The following BACH2 variants were observed in gnomAD, a reference collection of about 807,000 sequenced individuals.
BACH2 encodes the protein transcription regulator protein BACH2.
BACH2 carries 5 observed loss-of-function variants against 61.8 expected under a neutral mutation model. That is an observed-to-expected ratio of 0.08 (90% CI 0.04 to 0.17). The LOEUF (loss-of-function observed/expected upper bound fraction) is 0.17, where lower values mean the gene tolerates loss of function less well. Among genes scored for constraint, BACH2 ranks in the 10% least tolerant of loss-of-function variants. The probability of loss-of-function intolerance (pLI) is 1.00; values close to 1 mark genes in which losing one functional copy is unlikely to be tolerated. For missense variants in BACH2, 824 were observed against 1,091.1 expected, an observed-to-expected ratio of 0.76 and a Z score of 3.45; for synonymous variants, 446 against 440.1, an observed-to-expected ratio of 1.01 and a Z score of -0.17.
intron 1 of BACH2, among the ~76,000 whole-genome samples, chr6:90,281,868 G>C (rs970658038): frequency 1.3e-5 from 2 of 151,936 alleles, no homozygotes; most frequent in Admixed American, 6.6e-5. Context: ...GTACAGATGA[G>C]AAAACTAAGG....
At chr6:90,145,355 G>T (rs952985280) in intron 4 of BACH2, among the ~76,000 whole-genome samples, 2 of 152,182 alleles carry the variant, frequency 1.3e-5, no homozygotes. Flanking sequence ...GTAATTAACT[G>T]CTACTAGCTT....
chr6:90,215,087 T>C (rs1769487496), intron 3 of BACH2, among the ~76,000 whole-genome samples: 1 of 152,196 alleles, frequency 6.6e-6, no homozygotes, highest in Non-Finnish European at 1.5e-5. Flanking sequence ...ATCTCCTTAG[T>C]GCAGCTTATT....
At position 90,092,291 on chromosome 6, in the gene BACH2, A is replaced by AAAAAAAAAAAAAAAAAAAAT; in HGVS notation, c.-161-3183_-161-3182insATTTTTTTTTTTTTTTTTTT. On this transcript the variant is annotated intron_variant, in intron 4 of 8. Coordinates refer to ENST00000257749, the MANE Select transcript of BACH2 (RefSeq NM_021813.4). Reference sequence around the variant, plus strand: ...GCACACTGTCAAAGTAAAAAAAAAAAATATATATATATATATATATATATA... The same window carrying AAAAAAAAAAAAAAAAAAAAT: ...GCACACTGTCAAAGTAAAAAAAAAAAAAAAAAAAAAAAAAAAAAATATATATATATATATATATATATATA... Among the ~76,000 whole-genome samples, 47 of 113,796 alleles carry AAAAAAAAAAAAAAAAAAAAT rather than the reference A, an allele frequency of 4.1e-4. 1 individual carries two copies. The highest frequency in any genetic ancestry group is 1.7e-3 in the African/African-American group (47 of 27,870). 74.7% of individuals were successfully genotyped at this position (113,796 alleles called of 152,430 possible).
chr6:90,198,091 T>C (rs1362313286), intron 4 of BACH2, among the ~76,000 whole-genome samples: 2 of 152,102 alleles, frequency 1.3e-5, no homozygotes, highest in South Asian at 2.1e-4. Context: ...AACCATGCCA[T>C]GTGAGGTGCA....
chr6:89,992,565 C>T (rs1247410751), intron 6 of BACH2, among the ~76,000 whole-genome samples: 1 of 152,186 alleles, frequency 6.6e-6, no homozygotes, highest in African/African-American at 2.4e-5. Flanking sequence ...TCACCTGAAC[C>T]CGGGAGGTGG....
At chr6:90,047,584 G>C (rs1054311093) in intron 5 of BACH2, among the ~76,000 whole-genome samples, 2 of 152,092 alleles carry the variant, frequency 1.3e-5, no homozygotes, top group Admixed American at 1.3e-4. Flanking sequence ...GAGCACCTTC[G>C]AGTGTCCGCA....
intron 6 of BACH2, among the ~76,000 whole-genome samples, chr6:89,989,482 C>T (rs1279477970): frequency 1.3e-5 from 2 of 151,880 alleles, no homozygotes; most frequent in African/African-American, 2.4e-5. Flanking sequence ...GCATACAGAG[C>T]GAGAGAGAGA....
chr6:90,115,025 CACAA>C (rs1293955981), intron 4 of BACH2, among the ~76,000 whole-genome samples: 1 of 151,976 alleles, frequency 6.6e-6, no homozygotes, highest in African/African-American at 2.4e-5. Flanking sequence ...TTAGAGAAGA[CACAA>C]ACAAATGGAA....
chr6:90,048,095 G>C (rs764240087), intron 5 of BACH2, among the ~76,000 whole-genome samples: 1 of 151,918 alleles, frequency 6.6e-6, no homozygotes, highest in African/African-American at 2.4e-5. Flanking sequence ...TATAATAACC[G>C]AGATTAGTTT....
intron 1 of BACH2, among the ~76,000 whole-genome samples, chr6:90,274,069 G>A (rs1771616446): frequency 6.6e-6 from 1 of 152,160 alleles, no homozygotes; most frequent in Non-Finnish European, 1.5e-5. Context: ...AGACAGATAG[G>A]GGAATACAGA....
At chr6:90,169,096 T>C (rs1300508854) in intron 4 of BACH2, among the ~76,000 whole-genome samples, 1 of 152,106 alleles carries the variant, frequency 6.6e-6, no homozygotes, top group East Asian at 1.9e-4. Flanking sequence ...CCAGAGCATC[T>C]TGGCACACAG....
intron 4 of BACH2, among the ~76,000 whole-genome samples, chr6:90,179,291 C>T (rs1202388538): frequency 1.3e-5 from 2 of 152,004 alleles, no homozygotes; most frequent in East Asian, 1.9e-4. Flanking sequence ...AATGACGAAA[C>T]AAGTAACCTA....
intron 1 of BACH2, among the ~76,000 whole-genome samples, chr6:90,279,739 T>A (rs1771803610): frequency 6.6e-6 from 1 of 152,238 alleles, no homozygotes; most frequent in African/African-American, 2.4e-5. Context: ...TCTCCATTTT[T>A]ACTATACAGT....
chr6:89,983,494 C>T lies in BACH2; in HGVS notation c.243+25108G>A, dbSNP rs558622917. On this transcript the variant is annotated intron_variant, in intron 6 of 8. Coordinates refer to ENST00000257749, the MANE Select transcript of BACH2 (RefSeq NM_021813.4). ...GACCAGCCTGGCCAATGTGGTGAAACGCTGTCTCTACTAAAAATACAAAAA... is the reference window on the plus strand; with the variant it reads ...GACCAGCCTGGCCAATGTGGTGAAATGCTGTCTCTACTAAAAATACAAAAA... Among the ~76,000 whole-genome samples, 214 of 152,178 alleles carry T rather than the reference C, an allele frequency of 1.4e-3. 2 individuals carry two copies. The highest frequency in any genetic ancestry group is 9.1e-3 in the South Asian group (44 of 4,810).
chr6:90,283,978 G>C (rs1033488046), intron 1 of BACH2, among the ~76,000 whole-genome samples: 1 of 151,934 alleles, frequency 6.6e-6, no homozygotes, highest in Non-Finnish European at 1.5e-5. Context: ...CTGCACTCCA[G>C]CTTGGGTGAC....
Position 90,008,342 on chromosome 6 carries a change from G to GTTA in BACH2, c.243+259_243+260insTAA. ...TAGGCTGAACCACTCAAAACCTGAAGGGTAAGTGAACTAGAAACTACAAGT... is the reference window on the plus strand; with the variant it reads ...TAGGCTGAACCACTCAAAACCTGAAGTTAGGTAAGTGAACTAGAAACTACAAGT... On this transcript the variant is annotated intron_variant, in intron 6 of 8. Coordinates refer to ENST00000257749, the MANE Select transcript of BACH2 (RefSeq NM_021813.4). The surrounding 1 kb of genome is among the most constrained non-coding windows in gnomAD (Gnocchi z 4.1). 1 of 531,530 alleles carries GTTA rather than the reference G, an allele frequency of 1.9e-6. No individual in the cohort carries two copies. The highest frequency in any genetic ancestry group is 3.4e-6 in the Non-Finnish European group (1 of 295,816). The allele number at this position is 531,530 out of a possible 1,614,324, so 32.9% of individuals were successfully genotyped here. A position where few individuals can be genotyped will look rare whatever the true frequency, so the allele number is the denominator to read the frequency against.
At chr6:90,207,953 T>C (rs1021841763) in intron 3 of BACH2, among the ~76,000 whole-genome samples, 10 of 152,228 alleles carry the variant, frequency 6.6e-5, no homozygotes, top group Non-Finnish European at 1.3e-4. Flanking sequence ...TACTATTCTA[T>C]GAACATAATA....
At chr6:90,023,365 G>A (rs1778480168) in intron 5 of BACH2, among the ~76,000 whole-genome samples, 1 of 151,988 alleles carries the variant, frequency 6.6e-6, no homozygotes, top group Admixed American at 6.6e-5. Context: ...ATAAGACGTA[G>A]TTGTTTAAAA....
At chr6:90,137,678 C>T (rs1784321094) in intron 4 of BACH2, among the ~76,000 whole-genome samples, 1 of 152,140 alleles carries the variant, frequency 6.6e-6, no homozygotes, top group Admixed American at 6.5e-5. Flanking sequence ...ATTTGTTGGA[C>T]ATTTTTATGT....
Sources: gnomAD v4.1 joint callset for allele counts (sites outside exome capture counted in the v4.1 genomes callset) on GRCh38, gnomAD v4.1.1 for gene constraint, Gnocchi (gnomAD v3.1) non-coding constraint, MANE v1.5 for transcripts, NCBI Gene and HGNC (gene_info 2026-07-23, HGNC 2026-07-21) for gene names.